The following RFXANK variants were observed in gnomAD, a reference collection of about 807,000 sequenced individuals.
RFXANK encodes regulatory factor X associated ankyrin containing protein, also known as DNA-binding protein RFXANK.
In RFXANK, 19 loss-of-function variants were observed where a neutral mutation model predicts 34.5. That is an observed-to-expected ratio of 0.55 (90% CI 0.38 to 0.81). The LOEUF (loss-of-function observed/expected upper bound fraction) is 0.81. Among genes scored for constraint, RFXANK ranks in the 30% least tolerant of loss-of-function variants. RFXANK has a pLI of 0.00. For missense variants in RFXANK, 295 were observed against 343.5 expected (o/e 0.86, Z 1.12); for synonymous variants, 154 against 149.8 (o/e 1.03, Z -0.20).
At chr19:19,201,539 C>T (rs1464167052) in intron 9 of RFXANK, 110 bp from the exon 10 acceptor site, 1 of 1,604,398 alleles carries the variant, frequency 6.2e-7, no homozygotes, top group Non-Finnish European at 8.5e-7. Flanking sequence ...TAATGCAGGT[C>T]TCTGCAAGGG....
chr19:19,199,245 G>C lies in RFXANK; in HGVS notation c.712+11G>C. 6.2e-7 allele frequency: 1 copy of C among 1,613,872 alleles called. No individual in the cohort carries two copies. The highest frequency in any genetic ancestry group is 8.5e-7 in the Non-Finnish European group (1 of 1,179,850). ...TGGGATACCGGAAAGGTCAGCCTGA[G>C]ACACACAGAGCAGGGGTGGGGTCCC... On this transcript the variant is annotated intron_variant, in intron 9 of 9. Transcript: ENST00000303088.
At position 19,199,228 on chromosome 19, in the gene RFXANK, C is replaced by T. The variant is rs143964319; in HGVS notation, c.706C>T (p.Arg236Trp). 1.1e-4 allele frequency: 180 copies of T among 1,614,114 alleles called. No individual in the cohort carries two copies. In the Admixed American group the frequency reaches 1.6e-3, roughly 14 times the overall value. The change falls in exon 9 of 10, where the codon CGG becomes TGG. Residue 236 changes from arginine (R) to tryptophan (W), a missense_variant. Arg to Trp is a moderately radical substitution (Grantham distance 101, BLOSUM62 -3). Coordinates refer to ENST00000303088, the MANE Select transcript of RFXANK (RefSeq NM_003721.4). ...PMDLAVALGY[R>W]KVQQVIENHI... is the part of the protein sequence containing the mutation. ...GGACCTTGCCGTGGCCCTGGGATAC[C>T]GGAAAGGTCAGCCTGAGACACACAG...
intron 3 of RFXANK, among the ~76,000 whole-genome samples, chr19:19,194,479 G>A (rs1238792330): frequency 6.6e-5 from 10 of 151,960 alleles, no homozygotes; most frequent in East Asian, 1.9e-4. Context: ...CAGGTGATCC[G>A]CCCACCTCGG....
At chr19:19,197,128 A>C (rs564391411) in intron 4 of RFXANK, 58 bp from the exon 5 acceptor site, 1 of 1,612,568 alleles carries the variant, frequency 6.2e-7, no homozygotes, top group African/African-American at 1.3e-5. Context: ...ACAGAGGGTA[A>C]ACTGAGGCAC....
In RFXANK at chr19:19,197,212, CAG is replaced by C. The variant is rs2060615531; in HGVS notation, c.299_300del (p.Gln100ArgfsTer14). ...DSLSIHQLAA[Q>X]GELDQLKEHL... is the part of the protein sequence containing the mutation. ...CCTGTCCATCCACCAGCTCGCAGCACAGGGGGAGCTGGACCAGCTGAAGGAGC... is the reference window on the plus strand; with the variant it reads ...CCTGTCCATCCACCAGCTCGCAGCACGGGGAGCTGGACCAGCTGAAGGAGC... On this transcript the variant is annotated frameshift_variant, in exon 5 of 10. Transcript: ENST00000303088. LOFTEE classifies it high-confidence loss of function. 1.2e-6 allele frequency: 2 copies of C among 1,613,728 alleles called. No individual in the cohort carries two copies. The highest frequency in any genetic ancestry group is 1.7e-6 in the Non-Finnish European group (2 of 1,180,038).
intron 3 of RFXANK, among the ~76,000 whole-genome samples, chr19:19,195,146 C>T (rs188481429): frequency 3.3e-5 from 5 of 151,116 alleles, no homozygotes; most frequent in Admixed American, 6.6e-5. Context: ...GCAAGCTCCA[C>T]CTCCCGTGTT....
At chr19:19,197,824 C>T (rs117539472) in intron 6 of RFXANK, among the ~76,000 whole-genome samples, 2 of 152,208 alleles carry the variant, frequency 1.3e-5, no homozygotes, top group Non-Finnish European at 2.9e-5. Context: ...GCCCGGCCAA[C>T]ATGGGTGAAA....
Position 19,199,325 on chromosome 19 carries a change from T to TA in RFXANK, c.712+92dup, listed in dbSNP as rs1205901504. On this transcript the variant is annotated intron_variant, in intron 9 of 9. Transcript: ENST00000303088. ...ACATGGGACACCCCTTCAGTGGTCA[T>TA]ACGCCGGCAGCGAGAGTGTGTTGAC... 1.6e-5 allele frequency: 20 copies of TA among 1,233,050 alleles called. No homozygotes were observed. The East Asian group carries it at 4.6e-4, about 29-fold the overall frequency. The allele number at this position is 1,233,050 out of a possible 1,614,324, so 76.4% of individuals were successfully genotyped here.
At position 19,193,934 on chromosome 19, in the gene RFXANK, G is replaced by A. The variant is rs747947067; in HGVS notation, c.-8-5G>A. Reference sequence around the variant, plus strand: ...TCATCTCTCCCCTTCTGACACCTCCGCCAGCTTTCCCCATGGAGCTTACCC... The same window carrying A: ...TCATCTCTCCCCTTCTGACACCTCCACCAGCTTTCCCCATGGAGCTTACCC... On this transcript the variant is annotated splice_region_variant and splice_polypyrimidine_tract_variant and intron_variant, in intron 2 of 9. Coordinates refer to ENST00000303088, the MANE Select transcript of RFXANK (RefSeq NM_003721.4). 8 of 1,613,944 alleles carry A rather than the reference G, an allele frequency of 5.0e-6. No individual in the cohort carries two copies. Among genetic ancestry groups the A allele is most frequent in the South Asian group, 1.1e-5 (1 of 91,084 alleles).
chr19:19,200,788 ATTTTTTTTTT>A (rs71170606), intron 9 of RFXANK: 17 of 84,616 alleles, frequency 2.0e-4, no homozygotes, highest in East Asian at 7.2e-4. Flanking sequence ...CACCTGGCTA[ATTTTTTTTTT>A]TTTTTTTTTT....
intron 3 of RFXANK, among the ~76,000 whole-genome samples, chr19:19,195,320 C>T (rs1005225586): frequency 7.3e-6 from 1 of 137,094 alleles, no homozygotes; most frequent in African/African-American, 2.7e-5. Flanking sequence ...CCTCCTGGAT[C>T]CCCTCTCTTC....
intron 9 of RFXANK, among the ~76,000 whole-genome samples, chr19:19,199,544 CTTCCTGGAGGAAGGTGTCTTAAGG>C (rs1484785315): frequency 6.6e-6 from 1 of 152,096 alleles, no homozygotes; most frequent in East Asian, 1.9e-4. Flanking sequence ...GTCAGAGAGG[CTTCCTGGAGGAAGGTGTCTTAAGG>C]TTGAGACCCC....
intron 3 of RFXANK, among the ~76,000 whole-genome samples, chr19:19,195,205 G>A (rs1379428067): frequency 8.5e-6 from 1 of 117,848 alleles, no homozygotes; most frequent in Non-Finnish European, 1.7e-5. Flanking sequence ...ACTACAGTCC[G>A]TTTTTTTTTT....
chr19:19,196,018 A>G (rs892216090), intron 3 of RFXANK, among the ~76,000 whole-genome samples: 8 of 152,116 alleles, frequency 5.3e-5, no homozygotes, highest in African/African-American at 1.9e-4. Flanking sequence ...CTGGGATTAC[A>G]GGCATGAGCC....
chr19:19,199,176 C>A lies in RFXANK; in HGVS notation c.654C>A (p.Thr218=). 6.2e-7 allele frequency: 1 copy of A among 1,614,012 alleles called. No individual in the cohort carries two copies. Residue 218 remains threonine, a synonymous_variant, in exon 9 of 10, where the codon ACC becomes ACA. Coordinates refer to ENST00000303088, the MANE Select transcript of RFXANK (RefSeq NM_003721.4). ...ALLARGADLT[T]EADSGYTPMD... is the part of the protein sequence containing the mutation. ...CAGCCCGAGGCGCTGACCTCACCAC[C>A]GAAGCCGACTCTGGCTACACCCCGA...
intron 7 of RFXANK, 134 bp downstream of exon 7, chr19:19,198,366 A>AC: frequency 7.2e-7 from 1 of 1,385,320 alleles, no homozygotes; most frequent in Non-Finnish European, 1.0e-6. Flanking sequence ...TCCCAGCCTC[A>AC]CAGAGCAGAG....
chr19:19,195,868 G>C (rs148503973), intron 3 of RFXANK, among the ~76,000 whole-genome samples: 5,801 of 148,698 alleles, frequency 0.039, 170 homozygotes, highest in East Asian at 0.13. Flanking sequence ...TCAGCCTCCC[G>C]AGTAGCTGGG....
chr19:19,198,493 A>G, intron 7 of RFXANK, 164 bp from the exon 8 acceptor site: 1 of 963,172 alleles, frequency 1.0e-6, no homozygotes, highest in South Asian at 1.4e-5. Flanking sequence ...GAAATCAGAG[A>G]GGTCTTCCTG....
chr19:19,201,433 A>G lies in RFXANK; in HGVS notation c.713-216A>G, dbSNP rs759174304. On this transcript the variant is annotated intron_variant, in intron 9 of 9. Coordinates refer to ENST00000303088, the MANE Select transcript of RFXANK (RefSeq NM_003721.4). ...ATTTTGCTTGGTAGGAAATATTTTT[A>G]TATTAATTCTGAAAAGCTACAAAAG... 1.1e-5 allele frequency: 17 copies of G among 1,492,582 alleles called. No homozygotes were observed. In the East Asian group the frequency reaches 1.5e-4, roughly 13 times the overall value. The allele number at this position is 1,492,582 out of a possible 1,614,324, so 92.5% of individuals were successfully genotyped here.
Sources: gnomAD v4.1 joint callset for allele counts (sites outside exome capture counted in the v4.1 genomes callset) on GRCh38, gnomAD v4.1.1 for gene constraint, MANE v1.5 for transcripts, NCBI Gene and HGNC (gene_info 2026-07-23, HGNC 2026-07-21) for gene names.